ADARB2: variants seen among roughly 807,000 people sequenced by gnomAD.
ADARB2 encodes inactive double-stranded RNA-specific editase B2.
A neutral mutation model predicts 62.2 loss-of-function variants in ADARB2; 25 were observed. The ratio of observed to expected loss-of-function variants is 0.40; its 90% CI spans 0.29 to 0.56. ADARB2 has a LOEUF of 0.56. ADARB2 is among the 20% of genes least tolerant of loss of function. The pLI, the probability that ADARB2 is intolerant of heterozygous loss-of-function variation, is 0.43. For missense variants in ADARB2, 1,071 were observed against 1,077.4 expected (o/e 0.99, Z 0.08); for synonymous variants, 572 against 500.8 (o/e 1.14, Z -1.90).
chr10:1,581,084 C>T (rs2813385), intron 1 of ADARB2, among the ~76,000 whole-genome samples: 78,705 of 152,056 alleles, frequency 0.52, 20,654 homozygotes, highest in East Asian at 0.64. Flanking sequence ...AAATACTCAG[C>T]GTGGAGCTGC....
chr10:1,686,530 C>T (rs181771281), intron 1 of ADARB2, among the ~76,000 whole-genome samples: 142 of 152,268 alleles, frequency 9.3e-4, no homozygotes, highest in African/African-American at 3.2e-3. Flanking sequence ...GCTGATGGAG[C>T]CCATCAATCT....
chr10:1,493,499 G>A (rs1384249522), intron 1 of ADARB2, among the ~76,000 whole-genome samples: 2 of 152,092 alleles, frequency 1.3e-5, no homozygotes, highest in Non-Finnish European at 2.9e-5. Flanking sequence ...TACAAAGAAT[G>A]AACTAAGGAA....
chr10:1,341,129 A>T (rs1402294281), intron 3 of ADARB2, among the ~76,000 whole-genome samples: 1 of 151,326 alleles, frequency 6.6e-6, no homozygotes, highest in Non-Finnish European at 1.5e-5. Context: ...TCAGGCAGAG[A>T]ACCACATGCC....
intron 1 of ADARB2, among the ~76,000 whole-genome samples, chr10:1,589,434 G>A (rs1588313982): frequency 6.6e-6 from 1 of 151,494 alleles, no homozygotes; most frequent in Non-Finnish European, 1.5e-5. Flanking sequence ...ATCCATGGTC[G>A]GGGTGTCCAT....
At chr10:1,414,130 T>C (rs529534811) in intron 1 of ADARB2, among the ~76,000 whole-genome samples, 263 of 152,350 alleles carry the variant, frequency 1.7e-3, no homozygotes, top group African/African-American at 6.2e-3. Context: ...CAGCCAGTTA[T>C]CCTCACTGTC....
At chr10:1,630,039 C>A (rs997195179) in intron 1 of ADARB2, among the ~76,000 whole-genome samples, 4 of 152,196 alleles carry the variant, frequency 2.6e-5, no homozygotes, top group African/African-American at 9.7e-5. Context: ...CACTTCATGG[C>A]CACCTAGACA....
rs115387721 is a variant in ADARB2, at chr10:1,546,205, G to A, written c.101-167045C>T. Among the ~76,000 whole-genome samples the A allele has an allele frequency of 3.3e-3, 505 of 152,212 alleles. 4 individuals are homozygous for A. The highest frequency in any genetic ancestry group is 0.011 in the African/African-American group (457 of 41,534). ...TTTCTTCCCTGCTACGTGAACTCCC[G>A]ATTTTAGTCGGTCCAGGAGATGGAT... On this transcript the variant is annotated intron_variant, in intron 1 of 9. Coordinates refer to ENST00000381312, the MANE Select transcript of ADARB2 (RefSeq NM_018702.4).
intron 3 of ADARB2, chr10:1,292,986 GA>G (rs1831482124): frequency 8.5e-5 from 6 of 70,396 alleles, no homozygotes; most frequent in Admixed American, 3.2e-4. Context: ...GAAGGAGAGA[GA>G]GAGGGAGAGG....
chr10:1,717,499 C>A (rs1835034669), intron 1 of ADARB2, among the ~76,000 whole-genome samples: 1 of 151,148 alleles, frequency 6.6e-6, no homozygotes, highest in Non-Finnish European at 1.5e-5. Flanking sequence ...CCTTCCTTTC[C>A]TTTCTTTCTT....
chr10:1,322,367 T>C (rs1220780958), intron 3 of ADARB2, among the ~76,000 whole-genome samples: 1 of 152,248 alleles, frequency 6.6e-6, no homozygotes, highest in African/African-American at 2.4e-5. Context: ...TCTGACCTTC[T>C]GTCTCTCTCC....
At chr10:1,300,435 G>A (rs919934360) in intron 3 of ADARB2, among the ~76,000 whole-genome samples, 2 of 152,022 alleles carry the variant, frequency 1.3e-5, no homozygotes, top group Admixed American at 6.6e-5. Flanking sequence ...GCACCCCCAC[G>A]CCTCTCCTCC....
chr10:1,438,680 C>T (rs11250510), intron 1 of ADARB2, among the ~76,000 whole-genome samples: 18,678 of 88,488 alleles, frequency 0.21, 89 homozygotes, highest in Middle Eastern at 0.29. Context: ...CCTGAGTCTC[C>T]CCCCGGATAG....
intron 3 of ADARB2, among the ~76,000 whole-genome samples, chr10:1,358,747 G>A (rs530880067): frequency 3.3e-5 from 5 of 152,254 alleles, no homozygotes; most frequent in African/African-American, 9.6e-5. Flanking sequence ...AGTGCGGGGT[G>A]AGGGTGTGTG....
chr10:1,539,999 A>G (rs1832393526), intron 1 of ADARB2, among the ~76,000 whole-genome samples: 1 of 152,164 alleles, frequency 6.6e-6, no homozygotes, highest in Non-Finnish European at 1.5e-5. Context: ...GTGAACAAAA[A>G]CCAATAATTG....
chr10:1,538,569 CG>C (rs1452315775), intron 1 of ADARB2, among the ~76,000 whole-genome samples: 2 of 152,172 alleles, frequency 1.3e-5, no homozygotes, highest in African/African-American at 4.8e-5. Context: ...CCCAGACCTG[CG>C]GGAAGAGTGA....
chr10:1,573,624 G>A (rs1165123436), intron 1 of ADARB2, among the ~76,000 whole-genome samples: 3 of 152,174 alleles, frequency 2.0e-5, no homozygotes, highest in East Asian at 3.9e-4. Flanking sequence ...GGCGCACTCT[G>A]CACCTCCTTG....
intron 1 of ADARB2, among the ~76,000 whole-genome samples, chr10:1,610,896 GCACA>G (rs922283409): frequency 6.6e-6 from 1 of 151,926 alleles, no homozygotes; most frequent in African/African-American, 2.4e-5. Flanking sequence ...ACATGTAAAT[GCACA>G]CACACAGACT....
At chr10:1,415,339 TG>T (rs1313534278) in intron 1 of ADARB2, among the ~76,000 whole-genome samples, 1 of 151,450 alleles carries the variant, frequency 6.6e-6, no homozygotes, top group Non-Finnish European at 1.5e-5. Context: ...GATGGATGGA[TG>T]GTGGGATGGA....
In ADARB2 at chr10:1,393,466, A is replaced by G. The variant is rs77589633; in HGVS notation, c.101-14306T>C. ...AAACTAGGTCTTTTTCATTCTTCCC[A>G]GTTATTTTTTGTGGGTACGCATTAG... On this transcript the variant is annotated intron_variant, in intron 1 of 9. Transcript: ENST00000381312. Among the ~76,000 whole-genome samples, 486 of 152,160 alleles carry G rather than the reference A, an allele frequency of 3.2e-3. 2 individuals are homozygous for G. Among genetic ancestry groups the G allele is most frequent in the African/African-American group, 0.011 (458 of 41,510 alleles).
Sources: allele counts gnomAD v4.1 joint callset (sites outside exome capture counted in the v4.1 genomes callset), GRCh38; gene constraint gnomAD v4.1.1; transcripts MANE v1.5; gene names NCBI Gene and HGNC (gene_info 2026-07-23, HGNC 2026-07-21).